CRK: variants seen among roughly 807,000 people sequenced by gnomAD.
The protein encoded by CRK is adapter molecule crk.
CRK carries 4 observed loss-of-function variants against 29.8 expected under a neutral mutation model. That is an observed-to-expected ratio of 0.13 (90% CI 0.07 to 0.31). The LOEUF (loss-of-function observed/expected upper bound fraction) is 0.31. Ranked by LOEUF, CRK falls within the 10% of genes least tolerant of loss-of-function variation. The probability of loss-of-function intolerance (pLI) is 1.00; values close to 1 mark genes in which losing one functional copy is unlikely to be tolerated. For synonymous variants in CRK, 153 were observed against 164.9 expected (o/e 0.93, Z 0.55); for missense variants, 274 against 396.5 (o/e 0.69, Z 2.62).
intron 2 of CRK, among the ~76,000 whole-genome samples, chr17:1,427,461 C>T (rs910706052): frequency 8.6e-5 from 13 of 150,450 alleles, no homozygotes; most frequent in African/African-American, 2.7e-4. Flanking sequence ...GGCGTGCTGG[C>T]GGGCGCCTGT....
intron 2 of CRK, among the ~76,000 whole-genome samples, chr17:1,429,434 C>T (rs1008658555): frequency 6.6e-6 from 1 of 152,014 alleles, no homozygotes. Flanking sequence ...CCACCATGCT[C>T]AGTTAATTTT....
rs1436321121 is a variant in CRK at position 1,422,329 on chromosome 17, A to T, written c.*1184T>A. 1 of 151,792 alleles carries T rather than the reference A, an allele frequency of 6.6e-6. No homozygotes were observed. The highest frequency in any genetic ancestry group is 6.6e-5 in the Admixed American group (1 of 15,178). The allele number at this position is 151,792 out of a possible 1,614,324, so 9.4% of individuals were successfully genotyped here. ...CAGGCGTGCACCACCACGCCGGGCTAATTTTTTATATCTTTAGCAGAGATG... is the reference window on the plus strand; with the variant it reads ...CAGGCGTGCACCACCACGCCGGGCTTATTTTTTATATCTTTAGCAGAGATG... On this transcript the variant is annotated 3_prime_UTR_variant, in exon 3 of 3. Transcript: ENST00000300574.
intron 1 of CRK, among the ~76,000 whole-genome samples, chr17:1,441,007 C>A (rs2073931171): frequency 1.3e-5 from 2 of 152,174 alleles, no homozygotes; most frequent in South Asian, 2.1e-4. Flanking sequence ...CAGACCTCAG[C>A]TGAGTGCAAC....
chr17:1,441,773 A>G (rs1334173672), intron 1 of CRK, among the ~76,000 whole-genome samples: 34 of 151,734 alleles, frequency 2.2e-4, no homozygotes, highest in Admixed American at 2.2e-3. Flanking sequence ...TACAGGCGTG[A>G]GCCACTGTGC....
chr17:1,433,643 C>T (rs138283205), intron 2 of CRK, among the ~76,000 whole-genome samples: 1,578 of 150,930 alleles, frequency 0.01, 32 homozygotes, highest in African/African-American at 0.036. Flanking sequence ...CTTAGCCTCC[C>T]GAGTAGCTGG....
Position 1,444,681 on chromosome 17 carries a change from A to G in CRK, c.242-7526T>C, listed in dbSNP as rs1239714832. On this transcript the variant is annotated intron_variant, in intron 1 of 2. Coordinates refer to ENST00000300574, the MANE Select transcript of CRK (RefSeq NM_016823.4). ...CCGTCTTTACTAAAAAAAAAAATAC[A>G]AAATTAGCCAGGCGTGAGTCTCATG... Among the ~76,000 whole-genome samples the G allele has an allele frequency of 9.9e-5, 15 of 151,720 alleles. No homozygotes were observed. In the East Asian group the frequency reaches 2.7e-3, roughly 27 times the overall value.
rs772014783 is a variant in CRK at position 1,436,721 on chromosome 17, C to T, written c.676G>A (p.Val226Ile). 16 of 1,607,870 alleles carry T rather than the reference C, an allele frequency of 1.0e-5. No homozygotes were observed. The highest frequency in any genetic ancestry group is 2.2e-5 in the East Asian group (1 of 44,874). The change falls in exon 2 of 3, where the codon GTC (valine) becomes ATC (isoleucine). Residue 226 changes from valine (V) to isoleucine (I), a missense_variant. Coordinates refer to ENST00000300574, the MANE Select transcript of CRK (RefSeq NM_016823.4). ...PEPGPYAQPSVNTPLPNLQNG... is the reference protein window; with the variant it reads ...PEPGPYAQPSINTPLPNLQNG... The stretch of plus-strand genomic sequence containing the variant: ...TGGAGGTTAGGGAGCGGAGTGTTGA[C>T]GCTGGGTTGGGCATAGGGCCCAGGC...
intron 1 of CRK, among the ~76,000 whole-genome samples, chr17:1,445,355 A>C (rs1434624138): frequency 6.6e-6 from 1 of 152,270 alleles, no homozygotes; most frequent in African/African-American, 2.4e-5. Flanking sequence ...TGTCAGCTTA[A>C]AACAGTGAAC....
chr17:1,425,863 T>C (rs537805268), intron 2 of CRK, among the ~76,000 whole-genome samples: 1 of 152,032 alleles, frequency 6.6e-6, no homozygotes, highest in South Asian at 2.1e-4. Context: ...AAGAAGGGGA[T>C]AGAGAGACAC....
intron 2 of CRK, among the ~76,000 whole-genome samples, chr17:1,431,453 G>A (rs972661472): frequency 6.6e-6 from 1 of 152,132 alleles, no homozygotes; most frequent in Non-Finnish European, 1.5e-5. Flanking sequence ...CCGGGGCGGT[G>A]GCTCACGCCT....
chr17:1,427,506 T>C (rs1173580539), intron 2 of CRK, among the ~76,000 whole-genome samples: 4 of 151,688 alleles, frequency 2.6e-5, no homozygotes, highest in African/African-American at 7.3e-5. Flanking sequence ...GGCAGGAGAA[T>C]GGTGTGAACC....
chr17:1,423,433 GT>G lies in CRK; in HGVS notation c.*79del. 1 of 1,521,974 alleles carries G rather than the reference GT, an allele frequency of 6.6e-7. No individual in the cohort carries two copies. The highest frequency in any genetic ancestry group is 8.9e-7 in the Non-Finnish European group (1 of 1,127,072). 94.3% of individuals were successfully genotyped at this position (1,521,974 alleles called of 1,614,324 possible). ...ATAAACTAGACTGCTTTTGACATCT[GT>G]AAGAAAATTGTATAGATGGCAGTTG... On this transcript the variant is annotated 3_prime_UTR_variant, in exon 3 of 3. Coordinates refer to ENST00000300574, the MANE Select transcript of CRK (RefSeq NM_016823.4).
Position 1,446,590 on chromosome 17 carries a change from CTT to C in CRK, c.241+9285_241+9286del, listed in dbSNP as rs56660089. Among the ~76,000 whole-genome samples, 205 of 125,424 alleles carry C rather than the reference CTT, an allele frequency of 1.6e-3. 1 individual carries two copies. Among genetic ancestry groups the C allele is most frequent in the African/African-American group, 5.0e-3 (167 of 33,172 alleles). 82.3% of individuals were successfully genotyped at this position (125,424 alleles called of 152,430 possible). On this transcript the variant is annotated intron_variant, in intron 1 of 2. Coordinates refer to ENST00000300574, the MANE Select transcript of CRK (RefSeq NM_016823.4). Reference sequence around the variant, plus strand: ...ATAGCGTGAACTGGGCTCACTATGACTTTTTTTTTTTTTTTTTTTGAGGCGGA... The same window carrying C: ...ATAGCGTGAACTGGGCTCACTATGACTTTTTTTTTTTTTTTTTGAGGCGGA...
chr17:1,453,460 T>A (rs1005594294), intron 1 of CRK, among the ~76,000 whole-genome samples: 2 of 152,178 alleles, frequency 1.3e-5, no homozygotes, highest in Non-Finnish European at 2.9e-5. Context: ...AAACCCCAGA[T>A]ACTATGCAGG....
intron 1 of CRK, among the ~76,000 whole-genome samples, chr17:1,453,079 G>A (rs2074031030): frequency 6.6e-6 from 1 of 152,206 alleles, no homozygotes; most frequent in Non-Finnish European, 1.5e-5. Flanking sequence ...CTGCACTCCA[G>A]CTTGGGTGAC....
chr17:1,450,461 C>G (rs1471820895), intron 1 of CRK, among the ~76,000 whole-genome samples: 4 of 151,928 alleles, frequency 2.6e-5, no homozygotes, highest in African/African-American at 9.7e-5. Context: ...GAGCCGAGAT[C>G]GCGCCACTGC....
intron 1 of CRK, among the ~76,000 whole-genome samples, chr17:1,440,717 G>C (rs1033576270): frequency 6.6e-6 from 1 of 152,000 alleles, no homozygotes; most frequent in African/African-American, 2.4e-5. Flanking sequence ...GCGAGACTTC[G>C]TCTCAAAAAC....
chr17:1,455,814 G>T, intron 1 of CRK, 63 bp downstream of exon 1: 1 of 1,421,460 alleles, frequency 7.0e-7, no homozygotes. Context: ...GGACCAGCCA[G>T]CCAGGCTGGG....
intron 1 of CRK, among the ~76,000 whole-genome samples, chr17:1,441,851 C>A (rs562119650): frequency 1.6e-4 from 24 of 150,474 alleles, no homozygotes; most frequent in Non-Finnish European, 3.0e-4. Flanking sequence ...ACTGCCCAGG[C>A]TGCGGTTTTG....
Sources: allele counts gnomAD v4.1 joint callset (sites outside exome capture counted in the v4.1 genomes callset), GRCh38; gene constraint gnomAD v4.1.1; transcripts MANE v1.5; gene names NCBI Gene and HGNC (gene_info 2026-07-23, HGNC 2026-07-21).